Variants in EIF5B observed in about 807,000 individuals in gnomAD.
EIF5B encodes eukaryotic translation initiation factor 5B.
EIF5B carries 47 observed loss-of-function variants against 147.5 expected under a neutral mutation model. The ratio of observed to expected loss-of-function variants is 0.32; its 90% CI spans 0.25 to 0.41. The LOEUF (loss-of-function observed/expected upper bound fraction) is 0.41. Among genes scored for constraint, EIF5B ranks in the 10% least tolerant of loss-of-function variants. EIF5B has a pLI of 1.00. For missense variants in EIF5B, 1,064 were observed against 1,413.2 expected, an observed-to-expected ratio of 0.75 and a Z score of 3.96; for synonymous variants, 455 against 456.2, an observed-to-expected ratio of 1.00 and a Z score of 0.03.
chr2:99,354,000 A>G (rs1674040750), intron 1 of EIF5B, among the ~76,000 whole-genome samples: 1 of 152,238 alleles, frequency 6.6e-6, no homozygotes, highest in South Asian at 2.1e-4. Flanking sequence ...ACTTCTGTCT[A>G]CAGATTTCTC....
intron 3 of EIF5B, 133 bp from the exon 4 acceptor site, chr2:99,361,015 T>C: frequency 1.0e-6 from 1 of 959,522 alleles, no homozygotes. Flanking sequence ...AATTTTATAT[T>C]CCTGTGAAAA....
intron 14 of EIF5B, among the ~76,000 whole-genome samples, chr2:99,386,581 G>A (rs1475385829): frequency 6.7e-6 from 1 of 149,736 alleles, no homozygotes; most frequent in African/African-American, 2.5e-5. Flanking sequence ...AGGCTGGAGT[G>A]CAGTGTGGCG....
At position 99,399,038 on chromosome 2, in the gene EIF5B, G is replaced by A. The variant is rs765486010; in HGVS notation, c.3555+129G>A. The stretch of plus-strand genomic sequence containing the variant: ...TGATGGGACTGGATCCCCCATTAGG[G>A]CTTGACCTCTAGCTGGGCCTTGTCT... On this transcript the variant is annotated intron_variant, in intron 23 of 23. Coordinates refer to ENST00000289371, the MANE Select transcript of EIF5B (RefSeq NM_015904.4). 7 of 1,124,484 alleles carry A rather than the reference G, an allele frequency of 6.2e-6. No homozygotes were observed. The South Asian group carries it at 6.5e-5, about 10-fold the overall frequency. 69.7% of individuals were successfully genotyped at this position (1,124,484 alleles called of 1,614,324 possible). A position where few individuals can be genotyped will look rare whatever the true frequency, so the allele number is the denominator to read the frequency against.
chr2:99,349,285 A>G (rs958092005), intron 1 of EIF5B, among the ~76,000 whole-genome samples: 6 of 152,162 alleles, frequency 3.9e-5, no homozygotes, highest in African/African-American at 1.4e-4. Context: ...AAGGAGTCTT[A>G]GACATCTTGG....
At chr2:99,352,759 G>A (rs770475394) in intron 1 of EIF5B, among the ~76,000 whole-genome samples, 8 of 152,016 alleles carry the variant, frequency 5.3e-5, no homozygotes, top group Non-Finnish European at 1.2e-4. Context: ...ACAGGCGTGA[G>A]CTACTGTGCC....
In EIF5B at chr2:99,361,767, C is replaced by CT; in HGVS notation, c.867dup (p.Gly290TrpfsTer7). 1 of 1,579,392 alleles carries CT rather than the reference C, an allele frequency of 6.3e-7. No individual in the cohort carries two copies. Among genetic ancestry groups the CT allele is most frequent in the Non-Finnish European group, 8.5e-7 (1 of 1,171,338 alleles). Reference sequence around the variant, plus strand: ...GTAAAATCCAAAGTGACTGTTGATACTGGAGTAATTCCTGCCTCTGAAGAG... The same window carrying CT: ...GTAAAATCCAAAGTGACTGTTGATACTTGGAGTAATTCCTGCCTCTGAAGAG... On this transcript the variant is annotated frameshift_variant, in exon 4 of 24. Transcript: ENST00000289371. LOFTEE classifies it high-confidence loss of function.
intron 8 of EIF5B, 97 bp from the exon 9 acceptor site, chr2:99,371,559 C>G (rs569601691): frequency 5.8e-6 from 5 of 860,686 alleles, no homozygotes; most frequent in Non-Finnish European, 7.0e-6. Flanking sequence ...TTAAAACATT[C>G]TTTTTTTATG....
At position 99,398,906 on chromosome 2, in the gene EIF5B, T is replaced by C; in HGVS notation, c.3552T>C (p.Ser1184=). Residue 1184 remains serine (S), a synonymous_variant, in exon 23 of 24, where the codon AGT becomes AGC. Transcript: ENST00000289371. ...TTGAAGCTACAGATATTCTTGTTAG[T>C]AAGGTAAGTATTTCAGCAAAAGTGG... is the stretch of plus-strand genomic sequence containing the variant. ...RHFEATDILV[S]KISRQSIDAL... 1.2e-6 allele frequency: 2 copies of C among 1,612,588 alleles called. No individual in the cohort carries two copies. Among genetic ancestry groups the C allele is most frequent in the Non-Finnish European group, 1.7e-6 (2 of 1,179,618 alleles).
intron 10 of EIF5B, among the ~76,000 whole-genome samples, chr2:99,376,842 AT>A (rs1559254620): frequency 6.6e-6 from 1 of 152,182 alleles, no homozygotes; most frequent in African/African-American, 2.4e-5. Flanking sequence ...CTAAGATAGA[AT>A]GGTGTGACTA....
intron 8 of EIF5B, among the ~76,000 whole-genome samples, chr2:99,369,857 TC>T (rs1434706043): frequency 6.6e-6 from 1 of 151,368 alleles, no homozygotes; most frequent in Non-Finnish European, 1.5e-5. Context: ...GTGCCTGTAA[TC>T]CCAGCTACTT....
At chr2:99,358,116 G>A (rs148344984) in intron 1 of EIF5B, among the ~76,000 whole-genome samples, 2 of 152,196 alleles carry the variant, frequency 1.3e-5, no homozygotes, top group East Asian at 1.9e-4. Flanking sequence ...TTTACTCAGT[G>A]GCACAATTCT....
At chr2:99,350,708 G>C (rs997950083) in intron 1 of EIF5B, among the ~76,000 whole-genome samples, 5 of 152,158 alleles carry the variant, frequency 3.3e-5, no homozygotes, top group African/African-American at 1.2e-4. Context: ...TCTATAGGCT[G>C]TCTCTTCACT....
chr2:99,383,435 G>C (rs976177010), intron 14 of EIF5B, among the ~76,000 whole-genome samples: 33 of 152,214 alleles, frequency 2.2e-4, no homozygotes, highest in African/African-American at 7.5e-4. Flanking sequence ...CAATTAATAA[G>C]ATTACAATGA....
chr2:99,370,824 G>C (rs1674430807), intron 8 of EIF5B, among the ~76,000 whole-genome samples: 1 of 152,184 alleles, frequency 6.6e-6, no homozygotes, highest in African/African-American at 2.4e-5. Flanking sequence ...ATAATATTCA[G>C]AATTTTAGCT....
Position 99,337,401 on chromosome 2 carries a change from T to A in EIF5B, c.-154T>A, listed in dbSNP as rs2094245263. The A allele has an allele frequency of 2.2e-6, 2 of 923,614 alleles. No homozygotes were observed. The highest frequency in any genetic ancestry group is 4.1e-5 in the Admixed American group (2 of 48,824). 57.2% of individuals were successfully genotyped at this position (923,614 alleles called of 1,614,324 possible). A position where few individuals can be genotyped will look rare whatever the true frequency, so the allele number is the denominator to read the frequency against. On this transcript the variant is annotated 5_prime_UTR_variant, in exon 1 of 24. The change creates a premature stop within an existing upstream ORF in the 5' untranslated region. Transcript: ENST00000289371. ...GCACTGAGAACTCACACCATATGTG[T>A]CCTGTTCCAGTGCGCGGGTCTGTGG...
At chr2:99,397,191 G>A (rs1294406624) in intron 22 of EIF5B, 6 of 239,566 alleles carry the variant, frequency 2.5e-5, no homozygotes, top group Non-Finnish European at 4.8e-5. Context: ...GTTAATTGGG[G>A]CTCCAAGGCA....
At chr2:99,340,950 G>A (rs188340888) in intron 1 of EIF5B, among the ~76,000 whole-genome samples, 325 of 152,056 alleles carry the variant, frequency 2.1e-3, no homozygotes, top group African/African-American at 6.8e-3. Context: ...TTTTTAGTAG[G>A]GACAGGGTTT....
At chr2:99,376,857 C>T (rs936764681) in intron 10 of EIF5B, among the ~76,000 whole-genome samples, 1 of 152,154 alleles carries the variant, frequency 6.6e-6, no homozygotes, top group African/African-American at 2.4e-5. Context: ...GTGACTACTT[C>T]ATTTTTTTCT....
intron 14 of EIF5B, among the ~76,000 whole-genome samples, chr2:99,388,371 T>A (rs1032930475): frequency 6.6e-6 from 1 of 152,196 alleles, no homozygotes; most frequent in African/African-American, 2.4e-5. Flanking sequence ...TTCCTGATAT[T>A]AAGGGAAAGT....
Sources: allele counts gnomAD v4.1 joint callset (sites outside exome capture counted in the v4.1 genomes callset), GRCh38; gene constraint gnomAD v4.1.1; transcripts MANE v1.5; gene names NCBI Gene and HGNC (gene_info 2026-07-23, HGNC 2026-07-21).